PHF8: variants seen among roughly 807,000 people sequenced by gnomAD.
PHF8 encodes PHD finger protein 8.
Under a neutral mutation model 74.4 loss-of-function variants are expected in PHF8, and 9 were observed. That is an observed-to-expected ratio of 0.12 (90% CI 0.07 to 0.21). The LOEUF is 0.21. Among genes scored for constraint, PHF8 ranks in the 10% least tolerant of loss-of-function variants. The pLI, the probability that PHF8 is intolerant of heterozygous loss-of-function variation, is 1.00. For missense variants in PHF8, 478 were observed against 816.6 expected, an observed-to-expected ratio of 0.59 and a Z score of 5.05; for synonymous variants, 311 against 316.6, an observed-to-expected ratio of 0.98 and a Z score of 0.19.
chrX:53,987,275 A>C, intron 15 of PHF8, 112 bp from the exon 16 acceptor site: 3 of 516,928 alleles, frequency 5.8e-6, no homozygotes, highest in Non-Finnish European at 1.0e-5. Flanking sequence ...ACAGATGACT[A>C]ATTTAGAGGT....
At chrX:53,954,499 C>CAAA (rs1180184175) in intron 19 of PHF8, among the ~76,000 whole-genome samples, 21 of 13,119 alleles carry the variant, frequency 1.6e-3, no homozygotes, top group Middle Eastern at 0.062. Context: ...GACTCTGTCT[C>CAAA]AAAAAAAAAA....
At chrX:54,033,712 T>G (rs1353554131) in intron 2 of PHF8, among the ~76,000 whole-genome samples, 1 of 108,843 alleles carries the variant, frequency 9.2e-6, no homozygotes, top group Non-Finnish European at 1.9e-5. Flanking sequence ...AAACTCCATC[T>G]CAGAAAAAAA....
intron 2 of PHF8, among the ~76,000 whole-genome samples, chrX:54,025,178 T>C (rs1019426211): frequency 3.6e-5 from 4 of 111,500 alleles, no homozygotes; most frequent in Admixed American, 9.6e-5. Flanking sequence ...GCCCGGCCGG[T>C]TCATACCATT....
intron 13 of PHF8, among the ~76,000 whole-genome samples, chrX:53,993,245 G>C (rs2065695976): frequency 9.0e-6 from 1 of 111,375 alleles, no homozygotes; most frequent in Non-Finnish European, 1.9e-5. Context: ...TATGTTTTCT[G>C]AAAAGAGCTC....
chrX:54,001,690 G>C (rs1162098931), intron 10 of PHF8, among the ~76,000 whole-genome samples: 1 of 111,651 alleles, frequency 9.0e-6, no homozygotes, highest in African/African-American at 3.3e-5. Context: ...TGAGGTGGGA[G>C]AATCACTCGA....
chrX:53,967,924 C>T (rs2065235824), intron 18 of PHF8, among the ~76,000 whole-genome samples: 1 of 109,616 alleles, frequency 9.1e-6, no homozygotes, highest in African/African-American at 3.4e-5. Context: ...GCAGCATGCT[C>T]GTTAAGAGTC....
chrX:53,950,411 A>G (rs949342570), intron 19 of PHF8, among the ~76,000 whole-genome samples: 3 of 113,009 alleles, frequency 2.7e-5, no homozygotes, highest in Non-Finnish European at 5.6e-5. Context: ...ATATCCATAA[A>G]GAATTTGACA....
rs372689956 is a variant in PHF8 at position 54,041,833 on chromosome X, A to G, written c.98+798T>C. ...CAAAGTCAGAAAGGATGTATTTGAT[A>G]ACATTTTATAGCTGAAGACAATGAG... is the stretch of plus-strand genomic sequence containing the variant. On this transcript the variant is annotated intron_variant, in intron 2 of 21. Transcript: ENST00000338154. 9.8e-5 allele frequency among the ~76,000 whole-genome samples: 11 copies of G among 112,734 alleles called. No individual in the cohort carries two copies. The East Asian group carries it at 1.7e-3, about 17-fold the overall frequency.
At chrX:54,017,539 C>A in intron 5 of PHF8, 122 bp downstream of exon 5, 2 of 579,164 alleles carry the variant, frequency 3.5e-6, no homozygotes, top group Non-Finnish European at 5.8e-6. Flanking sequence ...TTGGACAAGG[C>A]ATTTCACCTG....
intron 18 of PHF8, among the ~76,000 whole-genome samples, chrX:53,964,794 G>C (rs1238701341): frequency 1.9e-5 from 2 of 107,495 alleles, no homozygotes; most frequent in African/African-American, 6.8e-5. Flanking sequence ...TTGAACCTTG[G>C]AGGCGGAGGT....
Position 53,938,430 on chromosome X carries a change from G to A in PHF8, c.*728C>T. 1 of 795,293 alleles carries A rather than the reference G, an allele frequency of 1.3e-6. No homozygotes were observed. The highest frequency in any genetic ancestry group is 6.2e-5 in the South Asian group (1 of 16,195). 65.5% of individuals were successfully genotyped at this position (795,293 alleles called of 1,213,427 possible). On this transcript the variant is annotated 3_prime_UTR_variant, in exon 22 of 22. Transcript: ENST00000338154. ...CCTCATGTGTAGCCAGCTAAAAGTA[G>A]CTTCCTCCAACAGGCTACAAAACCG...
intron 2 of PHF8, among the ~76,000 whole-genome samples, chrX:54,029,274 T>C (rs1263386530): frequency 8.9e-6 from 1 of 111,899 alleles, no homozygotes; most frequent in Non-Finnish European, 1.9e-5. Context: ...AAAGTGATCA[T>C]TTAAAAACAC....
In PHF8 at chrX:53,938,454, C is replaced by T. The variant is rs1005071424; in HGVS notation, c.*704G>A. On this transcript the variant is annotated 3_prime_UTR_variant, in exon 22 of 22. Coordinates refer to ENST00000338154, the MANE Select transcript of PHF8 (RefSeq NM_015107.3). ...AGCTTCCTCCAACAGGCTACAAAAC[C>T]GTGGTCAAAGGCTTGGGCATCTGAC... is the stretch of plus-strand genomic sequence containing the variant. The T allele has an allele frequency of 2.4e-5, 19 of 778,936 alleles. No individual in the cohort carries two copies. In the Admixed American group the frequency reaches 9.3e-4, roughly 38 times the overall value. 64.2% of individuals were successfully genotyped at this position (778,936 alleles called of 1,213,427 possible). A position where few individuals can be genotyped will look rare whatever the true frequency, so the allele number is the denominator to read the frequency against.
intron 14 of PHF8, among the ~76,000 whole-genome samples, chrX:53,990,030 C>T (rs2149834835): frequency 9.0e-6 from 1 of 111,698 alleles, no homozygotes; most frequent in East Asian, 2.8e-4. Context: ...CTTTTATTAA[C>T]TTCTAATAAT....
chrX:54,031,202 G>A (rs2066349039), intron 2 of PHF8, among the ~76,000 whole-genome samples: 1 of 111,257 alleles, frequency 9.0e-6, no homozygotes, highest in South Asian at 3.8e-4. Flanking sequence ...ACTCCAAAAT[G>A]GACACTCAAC....
At chrX:53,990,450 C>G (rs1368793061) in intron 14 of PHF8, among the ~76,000 whole-genome samples, 1 of 111,070 alleles carries the variant, frequency 9.0e-6, no homozygotes, top group African/African-American at 3.3e-5. Context: ...GGGGCAGGGG[C>G]AGGAAATGTC....
At position 54,000,136 on chromosome X, in the gene PHF8, A is replaced by T. The variant is rs145712775; in HGVS notation, c.1142-175T>A. Among the ~76,000 whole-genome samples, 112 of 112,194 alleles carry T rather than the reference A, an allele frequency of 1.0e-3. 1 individual carries two copies. Among genetic ancestry groups the T allele is most frequent in the African/African-American group, 3.6e-3 (111 of 30,913 alleles). ...GTACCTACTAAGTGCTAGGAATGTGATATCTATTATCTCATTTAACACTTA... is the reference window on the plus strand; with the variant it reads ...GTACCTACTAAGTGCTAGGAATGTGTTATCTATTATCTCATTTAACACTTA... On this transcript the variant is annotated intron_variant, in intron 10 of 21. Transcript: ENST00000338154.
At chrX:54,017,309 T>C (rs1465869568) in intron 5 of PHF8, among the ~76,000 whole-genome samples, 3 of 111,754 alleles carry the variant, frequency 2.7e-5, no homozygotes, top group African/African-American at 9.8e-5. Context: ...TAGCTAGGCA[T>C]GGTGGTGCAT....
intron 8 of PHF8, among the ~76,000 whole-genome samples, chrX:54,004,853 G>A (rs2065873843): frequency 9.2e-6 from 1 of 109,036 alleles, no homozygotes; most frequent in Non-Finnish European, 1.9e-5. Flanking sequence ...GAACCCAGGA[G>A]GCAGAGGTTG....
Sources: allele counts gnomAD v4.1 joint callset (sites outside exome capture counted in the v4.1 genomes callset), GRCh38; gene constraint gnomAD v4.1.1; transcripts MANE v1.5; gene names NCBI Gene and HGNC (gene_info 2026-07-23, HGNC 2026-07-21).